The following TNIP1 variants were observed in gnomAD, a reference collection of about 807,000 sequenced individuals.
The protein encoded by TNIP1 is TNFAIP3-interacting protein 1.
Under a neutral mutation model 86.6 loss-of-function variants are expected in TNIP1, and 22 were observed. The observed-to-expected ratio is 0.25, with a 90% confidence interval of 0.18 to 0.36. The LOEUF is 0.36. Among genes scored for constraint, TNIP1 ranks in the 10% least tolerant of loss-of-function variants. The pLI, the probability that TNIP1 is intolerant of heterozygous loss-of-function variation, is 1.00. For missense variants in TNIP1, 709 were observed against 820.6 expected (o/e 0.86, Z 1.66); for synonymous variants, 294 against 313.0 (o/e 0.94, Z 0.64).
At chr5:151,075,403 C>T (rs551499935) in intron 1 of TNIP1, among the ~76,000 whole-genome samples, 491 of 152,132 alleles carry the variant, frequency 3.2e-3, no homozygotes, top group Non-Finnish European at 5.5e-3. Context: ...AGGTTTGCTA[C>T]CTGGGTATAC....
chr5:151,050,364 CACAG>C (rs1736858694), intron 7 of TNIP1, among the ~76,000 whole-genome samples: 1 of 152,236 alleles, frequency 6.6e-6, no homozygotes, highest in South Asian at 2.1e-4. Context: ...CCCTCGTTAA[CACAG>C]AAGGTGCAGG....
intron 1 of TNIP1, among the ~76,000 whole-genome samples, chr5:151,086,491 G>A (rs1224397925): frequency 6.6e-6 from 1 of 152,174 alleles, no homozygotes; most frequent in Non-Finnish European, 1.5e-5. Flanking sequence ...CCTGGAGGCA[G>A]CGCCGATTCT....
At chr5:151,039,052 G>A (rs772657950) in intron 12 of TNIP1, 45 bp downstream of exon 12, 2 of 1,591,586 alleles carry the variant, frequency 1.3e-6, no homozygotes, top group South Asian at 2.3e-5. Context: ...CATTGCAGCT[G>A]GACTCAAGGG....
chr5:151,056,999 C>G, intron 5 of TNIP1, 42 bp from the exon 6 acceptor site: 1 of 1,383,372 alleles, frequency 7.2e-7, no homozygotes, highest in African/African-American at 1.5e-5. Flanking sequence ...TCACCAAGGC[C>G]TGAGTAGGCG....
At chr5:151,066,489 C>T (rs750690861) in intron 1 of TNIP1, among the ~76,000 whole-genome samples, 1 of 152,218 alleles carries the variant, frequency 6.6e-6, no homozygotes, top group South Asian at 2.1e-4. Flanking sequence ...AGTCCACACA[C>T]CATGCTCCGT....
chr5:151,036,804 A>T lies in TNIP1; in HGVS notation c.1381T>A (p.Leu461Met). The change falls in exon 13 of 18, where the codon TTG becomes ATG. Residue 461 changes from leucine (L) to methionine (M), a missense_variant. Transcript: ENST00000521591. ...RKQELVTQNE[L>M]LKQQVKIFEE... Reference sequence around the variant, plus strand: ...GGAAGCCTCACCTGCTGTTTCAGCAACTCATTCTGCGTGACCAGCTCCTGT... The same window carrying T: ...GGAAGCCTCACCTGCTGTTTCAGCATCTCATTCTGCGTGACCAGCTCCTGT... The T allele has an allele frequency of 6.2e-7, 1 of 1,613,972 alleles. No individual in the cohort carries two copies. Among genetic ancestry groups the T allele is most frequent in the Admixed American group, 1.7e-5 (1 of 60,014 alleles).
chr5:151,065,058 C>T lies in TNIP1; in HGVS notation c.38G>A (p.Gly13Glu). 1 of 1,614,152 alleles carries T rather than the reference C, an allele frequency of 6.2e-7. No individual in the cohort carries two copies. Among genetic ancestry groups the T allele is most frequent in the East Asian group, 2.2e-5 (1 of 44,888 alleles). ...GRGPYRIYDP[G>E]GSVPSGEASA... ...TGCCTCTCCTGAGGGCACGCTGCCC[C>T]CAGGGTCGTAGATCCGGTACGGTCC... is the stretch of plus-strand genomic sequence containing the variant. Residue 13 changes from glycine (G) to glutamate (E), a missense_variant, in exon 2 of 18, where the codon GGG becomes GAG. Transcript: ENST00000521591.
At chr5:151,030,794 G>A (rs755020905) in intron 17 of TNIP1, 47 bp from the exon 18 acceptor site, 5 of 1,477,742 alleles carry the variant, frequency 3.4e-6, no homozygotes, top group Admixed American at 3.7e-5. Flanking sequence ...GTGGTAGAGC[G>A]AGTTTCAAAG....
intron 13 of TNIP1, among the ~76,000 whole-genome samples, chr5:151,036,313 AC>A (rs1757697587): frequency 6.6e-6 from 1 of 152,114 alleles, no homozygotes; most frequent in South Asian, 2.1e-4. Context: ...GGTCTTTAAT[AC>A]CATTTTAGTA....
intron 1 of TNIP1, 24 bp downstream of exon 1, chr5:151,080,856 C>T (rs1763948587): frequency 6.6e-6 from 1 of 152,452 alleles, no homozygotes; most frequent in African/African-American, 2.4e-5. Context: ...CCCCTCCATC[C>T]CCGCTCCGGG....
chr5:151,055,009 G>A (rs919510942), intron 6 of TNIP1, among the ~76,000 whole-genome samples: 4 of 152,204 alleles, frequency 2.6e-5, no homozygotes, highest in Non-Finnish European at 5.9e-5. Flanking sequence ...AATGCCCTGG[G>A]TGCAAACCGG....
At chr5:151,038,967 A>C in intron 12 of TNIP1, 130 bp downstream of exon 12, 1 of 1,286,768 alleles carries the variant, frequency 7.8e-7, no homozygotes, top group Non-Finnish European at 1.0e-6. Context: ...GCAGGCGGGA[A>C]ACAGGATGCC....
Position 151,032,306 on chromosome 5 carries a change from T to C in TNIP1, c.1857A>G (p.Thr619=), listed in dbSNP as rs1449509445. Residue 619 remains threonine, a synonymous_variant, in exon 17 of 18, where the codon ACA becomes ACG. Coordinates refer to ENST00000521591, the MANE Select transcript of TNIP1 (RefSeq NM_006058.5). ...NQSSQVMDPP[T]ARPTEPESPK... ...GCTCACCTGGTTCTGTAGGCCTGGC[T>C]GTGGGAGGGTCCATCACTTGGGAGC... The C allele has an allele frequency of 1.2e-6, 2 of 1,614,050 alleles. No individual in the cohort carries two copies. Among genetic ancestry groups the C allele is most frequent in the East Asian group, 4.5e-5 (2 of 44,888 alleles).
upstream of TNIP1, among the ~76,000 whole-genome samples, chr5:151,084,456 A>G (rs115682037): frequency 5.2e-3 from 759 of 147,278 alleles, 3 homozygotes; most frequent in Non-Finnish European, 7.7e-3. Flanking sequence ...AAAAAAAAAA[A>G]AAAGAAAGAA....
intron 1 of TNIP1, among the ~76,000 whole-genome samples, chr5:151,080,676 C>T (rs968517411): frequency 6.6e-5 from 10 of 152,198 alleles, no homozygotes; most frequent in African/African-American, 2.2e-4. Flanking sequence ...GCACGCGCGC[C>T]CCCCACCAGG....
intron 5 of TNIP1, among the ~76,000 whole-genome samples, chr5:151,059,866 T>TGCGC (rs72220408): frequency 2.7e-3 from 221 of 82,520 alleles, no homozygotes; most frequent in Non-Finnish European, 3.7e-3. Context: ...TGTGTGTGTG[T>TGCGC]GCGCGCGCGC....
chr5:151,045,744 C>T lies in TNIP1; in HGVS notation c.936+117G>A, dbSNP rs1759071509. ...GGCAGGCAGGTCAGTGGTCACCATGCCAACTCCTCATGGTGACCTGGGACC... is the reference window on the plus strand; with the variant it reads ...GGCAGGCAGGTCAGTGGTCACCATGTCAACTCCTCATGGTGACCTGGGACC... On this transcript the variant is annotated intron_variant, in intron 9 of 17. Coordinates refer to ENST00000521591, the MANE Select transcript of TNIP1 (RefSeq NM_006058.5). 6 of 979,322 alleles carry T rather than the reference C, an allele frequency of 6.1e-6. No individual in the cohort carries two copies. The South Asian group carries it at 6.9e-5, about 11-fold the overall frequency. 60.7% of individuals were successfully genotyped at this position (979,322 alleles called of 1,614,324 possible). A position where few individuals can be genotyped will look rare whatever the true frequency, so the allele number is the denominator to read the frequency against.
chr5:151,035,714 T>A lies in TNIP1; in HGVS notation c.1396-7A>T. ...CCTCCTCGAAGATCTTCACCTGGTG[T>A]GGAGGGAGGGTGAAGAGAGGGAGGG... On this transcript the variant is annotated splice_polypyrimidine_tract_variant and splice_region_variant and intron_variant, in intron 13 of 17. Transcript: ENST00000521591. 1 of 1,613,824 alleles carries A rather than the reference T, an allele frequency of 6.2e-7. No individual in the cohort carries two copies.
chr5:151,062,891 C>T (rs1305076297), intron 3 of TNIP1, among the ~76,000 whole-genome samples: 2 of 152,274 alleles, frequency 1.3e-5, no homozygotes, highest in Admixed American at 1.3e-4. Flanking sequence ...AGAAGGCTGT[C>T]ACATTGGCCT....
Sources: allele counts gnomAD v4.1 joint callset (sites outside exome capture counted in the v4.1 genomes callset), GRCh38; gene constraint gnomAD v4.1.1; transcripts MANE v1.5; gene names NCBI Gene and HGNC (gene_info 2026-07-23, HGNC 2026-07-21).